SPOCK3: variants seen among roughly 807,000 people sequenced by gnomAD.
The protein encoded by SPOCK3 is SPARC (osteonectin), cwcv and kazal like domains proteoglycan 3.
SPOCK3 carries 30 observed loss-of-function variants against 56.6 expected under a neutral mutation model. The ratio of observed to expected loss-of-function variants is 0.53; its 90% confidence interval spans 0.40 to 0.72. The LOEUF (loss-of-function observed/expected upper bound fraction) is 0.72. Among genes scored for constraint, SPOCK3 ranks in the 30% least tolerant of loss-of-function variants. SPOCK3 has a pLI of 0.00. For missense variants in SPOCK3, 527 were observed against 530.0 expected (o/e 0.99, Z 0.06); for synonymous variants, 196 against 183.3 (o/e 1.07, Z -0.56).
intron 2 of SPOCK3, among the ~76,000 whole-genome samples, chr4:167,170,891 G>A (rs1266507285): frequency 1.3e-5 from 2 of 152,076 alleles, no homozygotes; most frequent in African/African-American, 4.8e-5. Context: ...TTTACTGACA[G>A]TACAGTGGTC....
chr4:166,826,280 T>G (rs114046544), intron 6 of SPOCK3, among the ~76,000 whole-genome samples: 1,669 of 152,244 alleles, frequency 0.011, 13 homozygotes, highest in Non-Finnish European at 0.018. Context: ...AATTCTAAGA[T>G]GCACTTTGTT....
chr4:166,890,450 G>A (rs1249368283), intron 5 of SPOCK3, among the ~76,000 whole-genome samples: 2 of 151,538 alleles, frequency 1.3e-5, no homozygotes, highest in South Asian at 2.1e-4. Context: ...CCAGGCTCTC[G>A]GTAAATGCTA....
chr4:167,105,772 T>C (rs946560184), intron 2 of SPOCK3, among the ~76,000 whole-genome samples: 5 of 151,804 alleles, frequency 3.3e-5, no homozygotes, highest in East Asian at 1.9e-4. Context: ...AAGACACATA[T>C]AGATTGAAGA....
rs1018266205 is a variant in SPOCK3, at chr4:167,160,389, AGAG to A, written c.189+73593_189+73595del. The stretch of plus-strand genomic sequence containing the variant: ...ACAAACCACTGCTCAATGAAATAAA[AGAG>A]GATACAAACAAATGGAAGAACATTC... On this transcript the variant is annotated intron_variant, in intron 2 of 10. Transcript: ENST00000357545. 7.2e-3 allele frequency among the ~76,000 whole-genome samples: 1,094 copies of A among 152,278 alleles called. 14 individuals are homozygous for A. Among genetic ancestry groups the A allele is most frequent in the African/African-American group, 0.025 (1,051 of 41,546 alleles).
intron 4 of SPOCK3, among the ~76,000 whole-genome samples, chr4:166,920,380 T>C (rs1262768207): frequency 6.6e-6 from 1 of 152,196 alleles, no homozygotes; most frequent in Non-Finnish European, 1.5e-5. Context: ...TAAAATATCA[T>C]AATCTAGATT....
rs558950896 is a variant in SPOCK3 at position 166,818,243 on chromosome 4, T to TTG, written c.590-25956_590-25955dup. 2.6e-3 allele frequency among the ~76,000 whole-genome samples: 389 copies of TTG among 150,720 alleles called. 5 individuals carry two copies. Among genetic ancestry groups the TTG allele is most frequent in the South Asian group, 0.01 (48 of 4,766 alleles). ...TTTTTTGTGGCTAAATGGTATTCCA[T>TTG]TGTGTGTGTGTGTGTGTATTATTAT... On this transcript the variant is annotated intron_variant, in intron 6 of 10. Coordinates refer to ENST00000357545, the MANE Select transcript of SPOCK3 (RefSeq NM_001040159.2).
intron 4 of SPOCK3, among the ~76,000 whole-genome samples, chr4:166,922,932 G>A (rs1166445048): frequency 6.6e-6 from 1 of 152,146 alleles, no homozygotes; most frequent in African/African-American, 2.4e-5. Context: ...TTCTAAGATT[G>A]GGGGATGTGT....
At chr4:167,169,510 G>A (rs1371439592) in intron 2 of SPOCK3, among the ~76,000 whole-genome samples, 1 of 152,072 alleles carries the variant, frequency 6.6e-6, no homozygotes, top group African/African-American at 2.4e-5. Context: ...ATTTGGAGTT[G>A]GTGTATTTAT....
chr4:166,984,576 T>G (rs1037533158), intron 4 of SPOCK3, among the ~76,000 whole-genome samples: 1 of 152,092 alleles, frequency 6.6e-6, no homozygotes, highest in Non-Finnish European at 1.5e-5. Context: ...GGAGGGGTGC[T>G]AACAGGGTTA....
chr4:167,082,805 G>A, intron 2 of SPOCK3, among the ~76,000 whole-genome samples: 1 of 144,632 alleles, frequency 6.9e-6, no homozygotes. Context: ...GCAGAGAGAG[G>A]ACAGAGGGAG....
At chr4:166,750,391 T>A (rs1736218373) in intron 8 of SPOCK3, among the ~76,000 whole-genome samples, 1 of 152,138 alleles carries the variant, frequency 6.6e-6, no homozygotes, top group Non-Finnish European at 1.5e-5. Flanking sequence ...TGGATTCATC[T>A]CATAAGATGA....
chr4:166,743,585 G>C (rs2126411639), intron 8 of SPOCK3, among the ~76,000 whole-genome samples: 1 of 152,280 alleles, frequency 6.6e-6, no homozygotes, highest in East Asian at 1.9e-4. Context: ...CTGAGGTACT[G>C]GGTTCATCTC....
intron 4 of SPOCK3, among the ~76,000 whole-genome samples, chr4:166,929,561 A>G (rs976634416): frequency 6.6e-5 from 10 of 152,104 alleles, no homozygotes; most frequent in African/African-American, 9.7e-5. Flanking sequence ...CCTTATAGTG[A>G]TTTTGTGAAT....
At chr4:167,122,098 TTTCTCTTCTC>T (rs201725668) in intron 2 of SPOCK3, among the ~76,000 whole-genome samples, 2 of 151,422 alleles carry the variant, frequency 1.3e-5, no homozygotes, top group African/African-American at 4.9e-5. Flanking sequence ...TCTTTTTTCT[TTTCTCTTCTC>T]TTCTCTTTTT....
chr4:167,105,463 T>TAAAAAAAAAAAAAAAAAATAA (rs552028589), intron 2 of SPOCK3, among the ~76,000 whole-genome samples: 1 of 98,690 alleles, frequency 1.0e-5, no homozygotes, highest in Non-Finnish European at 2.0e-5. Context: ...ACACAAAAAT[T>TAAAAAAAAAAAAAAAAAATAA]AAAAAAAAAA....
At chr4:167,004,930 C>T (rs568222637) in intron 3 of SPOCK3, among the ~76,000 whole-genome samples, 8 of 152,210 alleles carry the variant, frequency 5.3e-5, no homozygotes, top group African/African-American at 1.7e-4. Context: ...ATATTCGGAT[C>T]TTGTATTCCA....
rs186032569 is a variant in SPOCK3 at position 166,841,804 on chromosome 4, G to T, written c.589+47326C>A. On this transcript the variant is annotated intron_variant, in intron 6 of 10. Transcript: ENST00000357545. ...CTTCTTGAGTACGAGCAACATCAGTGACTATGATGAAATATTTCTCCCATT... is the reference window on the plus strand; with the variant it reads ...CTTCTTGAGTACGAGCAACATCAGTTACTATGATGAAATATTTCTCCCATT... 2.0e-5 allele frequency among the ~76,000 whole-genome samples: 3 copies of T among 152,336 alleles called. No individual in the cohort carries two copies. The East Asian group carries it at 5.8e-4, about 29-fold the overall frequency.
At chr4:167,182,050 T>A (rs1731509694) in intron 2 of SPOCK3, among the ~76,000 whole-genome samples, 1 of 152,186 alleles carries the variant, frequency 6.6e-6, no homozygotes. Context: ...CATGATTTTT[T>A]AAGCTACTGT....
At chr4:167,205,572 TA>T (rs1734225447) in intron 2 of SPOCK3, among the ~76,000 whole-genome samples, 1 of 87,856 alleles carries the variant, frequency 1.1e-5, no homozygotes, top group African/African-American at 4.5e-5. Flanking sequence ...ATATTATATA[TA>T]TAATATAATA....
Sources: gnomAD v4.1 joint callset for allele counts (sites outside exome capture counted in the v4.1 genomes callset) on GRCh38, gnomAD v4.1.1 for gene constraint, MANE v1.5 for transcripts, NCBI Gene and HGNC (gene_info 2026-07-23, HGNC 2026-07-21) for gene names.